ABCC6: variants seen among roughly 807,000 people sequenced by gnomAD.
ABCC6 encodes ATP-binding cassette sub-family C member 6.
In ABCC6, 126 loss-of-function variants were observed where a neutral mutation model predicts 169.5. That is an observed-to-expected ratio of 0.74 (90% confidence interval 0.64 to 0.86). The LOEUF (loss-of-function observed/expected upper bound fraction) is 0.86. Ranked by LOEUF, ABCC6 falls within the 40% of genes least tolerant of loss-of-function variation. ABCC6 has a pLI of 0.00. For missense variants in ABCC6, 1,733 were observed against 1,927.2 expected (o/e 0.90, Z 1.89); for synonymous variants, 752 against 814.7 (o/e 0.92, Z 1.31).
intron 4 of ABCC6, among the ~76,000 whole-genome samples, chr16:16,216,044 T>C (rs1420749941): frequency 8.5e-5 from 13 of 152,136 alleles, no homozygotes; most frequent in Non-Finnish European, 1.9e-4. Context: ...CTTAGCCTCC[T>C]GAGTATCTGA....
rs142245731 is a variant in ABCC6 at position 16,189,419 on chromosome 16, CTTT to C, written c.1636-448_1636-446del. Among the ~76,000 whole-genome samples, 846 of 138,152 alleles carry C rather than the reference CTTT, an allele frequency of 6.1e-3. 9 individuals are homozygous for C. Among genetic ancestry groups the C allele is most frequent in the African/African-American group, 0.02 (753 of 37,260 alleles). The allele number at this position is 138,152 out of a possible 152,430, so 90.6% of individuals were successfully genotyped here. A position where few individuals can be genotyped will look rare whatever the true frequency, so the allele number is the denominator to read the frequency against. On this transcript the variant is annotated intron_variant, in intron 12 of 30. Coordinates refer to ENST00000205557, the MANE Select transcript of ABCC6 (RefSeq NM_001171.6). Reference sequence around the variant, plus strand: ...CTAGGTGTTGGTGCCATTTGTGGTGCTTTTTTTTTTTTTTTTGAGATGAAGTCT... The same window carrying C: ...CTAGGTGTTGGTGCCATTTGTGGTGCTTTTTTTTTTTTTGAGATGAAGTCT...
intron 10 of ABCC6, among the ~76,000 whole-genome samples, chr16:16,196,151 A>T (rs1567520381): frequency 6.7e-6 from 1 of 149,828 alleles, no homozygotes; most frequent in African/African-American, 2.5e-5. Flanking sequence ...TGGAGGTTGC[A>T]GTGAGCCGAA....
chr16:16,195,916 C>A (rs1242240737), intron 10 of ABCC6, among the ~76,000 whole-genome samples: 1 of 152,080 alleles, frequency 6.6e-6, no homozygotes, highest in Non-Finnish European at 1.5e-5. Flanking sequence ...ATGCCATTAA[C>A]AGTTTTTACA....
intron 22 of ABCC6, among the ~76,000 whole-genome samples, chr16:16,169,042 C>T (rs1220216631): frequency 6.6e-6 from 1 of 152,142 alleles, no homozygotes; most frequent in Non-Finnish European, 1.5e-5. Context: ...GACGGCAGCA[C>T]TGCCCTCCAG....
At chr16:16,181,168 T>G (rs1461977191) in intron 17 of ABCC6, among the ~76,000 whole-genome samples, 1 of 151,126 alleles carries the variant, frequency 6.6e-6, no homozygotes, top group Non-Finnish European at 1.5e-5. Flanking sequence ...ATTAGCCAGT[T>G]GTGGTGGTAC....
chr16:16,189,932 ACTCT>A (rs1483053083), intron 12 of ABCC6, among the ~76,000 whole-genome samples: 3 of 151,882 alleles, frequency 2.0e-5, no homozygotes, highest in Middle Eastern at 3.2e-3. Context: ...GAAGCCTGGA[ACTCT>A]CTCTGAGAGT....
At chr16:16,189,467 G>C (rs1253661265) in intron 12 of ABCC6, among the ~76,000 whole-genome samples, 6 of 151,548 alleles carry the variant, frequency 4.0e-5, no homozygotes, top group Non-Finnish European at 2.9e-5. Context: ...GCCCAGGCTG[G>C]AGTACAGTGG....
rs1427385368 is a variant in ABCC6, at chr16:16,182,507, C to CCAG, written c.2149_2151dup (p.Leu717dup). The CCAG allele has an allele frequency of 6.2e-7, 1 of 1,614,196 alleles. No homozygotes were observed. The highest frequency in any genetic ancestry group is 2.2e-5 in the East Asian group (1 of 44,886). On this transcript the variant is annotated inframe_insertion, in exon 17 of 31. Transcript: ENST00000205557. The stretch of plus-strand genomic sequence containing the variant: ...AGTACTCTCTCCAGCCAGGGTGGGT[C>CCAG]CAGCTCCTGCCCGAAGCACACATTC...
chr16:16,220,966 A>C (rs1193954731), intron 2 of ABCC6, among the ~76,000 whole-genome samples: 1 of 151,846 alleles, frequency 6.6e-6, no homozygotes, highest in African/African-American at 2.4e-5. Flanking sequence ...TATTGCGTTC[A>C]TTCTGGAATG....
rs1195796149 is a variant in ABCC6 at position 16,221,553 on chromosome 16, T to C, written c.219+96A>G. The C allele has an allele frequency of 3.9e-6, 6 of 1,549,722 alleles. No homozygotes were observed. In the East Asian group the frequency reaches 1.2e-4, roughly 32 times the overall value. On this transcript the variant is annotated intron_variant, in intron 2 of 30. Coordinates refer to ENST00000205557, the MANE Select transcript of ABCC6 (RefSeq NM_001171.6). ...TAACAGATTCCCTTCTACACCCCGA[T>C]AGGAGGAGTCTACTTTAAGACTTCA...
intron 7 of ABCC6, among the ~76,000 whole-genome samples, chr16:16,204,492 G>A (rs1459633787): frequency 6.6e-6 from 1 of 152,218 alleles, no homozygotes; most frequent in East Asian, 1.9e-4. Context: ...GGGGCCTGGT[G>A]CTCTAGCTCT....
intron 18 of ABCC6, among the ~76,000 whole-genome samples, chr16:16,178,217 C>T (rs953118615): frequency 2.6e-5 from 4 of 152,058 alleles, no homozygotes; most frequent in African/African-American, 9.7e-5. Context: ...GTCCCAGCTA[C>T]TCGGGAGGCT....
chr16:16,155,847 C>T (rs765892284), intron 27 of ABCC6: 1 of 152,340 alleles, frequency 6.6e-6, no homozygotes, highest in Non-Finnish European at 1.5e-5. Flanking sequence ...GTGTGCCCAT[C>T]ATCCGGTCTA....
rs1043446292 is a variant in ABCC6, at chr16:16,189,081, T to C, written c.1636-107A>G. 3 of 1,304,478 alleles carry C rather than the reference T, an allele frequency of 2.3e-6. No individual in the cohort carries two copies. The Admixed American group carries it at 5.1e-5, about 22-fold the overall frequency. The allele number at this position is 1,304,478 out of a possible 1,614,324, so 80.8% of individuals were successfully genotyped here. A position where few individuals can be genotyped will look rare whatever the true frequency, so the allele number is the denominator to read the frequency against. ...CACGGTCCATGTGGCCCACCCGCCA[T>C]GTCCGCATGTGCTTCCCTCCGTAGA... On this transcript the variant is annotated intron_variant, in intron 12 of 30. Transcript: ENST00000205557.
At position 16,157,711 on chromosome 16, in the gene ABCC6, G is replaced by T; in HGVS notation, c.3834C>A (p.Leu1278=). 1 of 1,614,030 alleles carries T rather than the reference G, an allele frequency of 6.2e-7. No individual in the cohort carries two copies. Among genetic ancestry groups the T allele is most frequent in the South Asian group, 1.1e-5 (1 of 91,078 alleles). The part of the protein sequence containing the change: ...RDFGLRYRPE[L]PLAVQGVSFK... ...AGGACACGCCCTGCACAGCCAGCGG[G>T]AGCTCAGGTCGGTATCTTAGCCCAA... Residue 1278 remains leucine, a synonymous_variant, in exon 27 of 31, where the codon CTC becomes CTA. Transcript: ENST00000205557.
chr16:16,196,209 C>CAAAAAAAA (rs35287964), intron 10 of ABCC6, among the ~76,000 whole-genome samples: 2 of 131,624 alleles, frequency 1.5e-5, no homozygotes, highest in Non-Finnish European at 3.1e-5. Flanking sequence ...GACTCTGTCT[C>CAAAAAAAA]AAAAAAAAAA....
chr16:16,169,889 G>C, intron 21 of ABCC6, 36 bp from the exon 22 acceptor site: 2 of 1,544,550 alleles, frequency 1.3e-6, no homozygotes, highest in Non-Finnish European at 1.8e-6. Context: ...GGCAGAGAGA[G>C]CCCCCAGTGG....
chr16:16,182,335 G>C, intron 17 of ABCC6, 77 bp downstream of exon 17: 1 of 1,543,574 alleles, frequency 6.5e-7, no homozygotes, highest in Admixed American at 1.7e-5. Flanking sequence ...CCATCATACT[G>C]CCCATGATGA....
At chr16:16,185,521 T>C (rs569878203) in intron 14 of ABCC6, among the ~76,000 whole-genome samples, 44 of 152,158 alleles carry the variant, frequency 2.9e-4, no homozygotes, top group Non-Finnish European at 6.0e-4. Flanking sequence ...CAGTGTCTCA[T>C]GCCTGTAATC....
Sources: gnomAD v4.1 joint callset for allele counts (sites outside exome capture counted in the v4.1 genomes callset) on GRCh38, gnomAD v4.1.1 for gene constraint, MANE v1.5 for transcripts, NCBI Gene and HGNC (gene_info 2026-07-23, HGNC 2026-07-21) for gene names.